RIT2: variants seen among roughly 807,000 people sequenced by gnomAD.
RIT2 encodes GTP-binding protein Rit2.
A neutral mutation model predicts 23.7 loss-of-function variants in RIT2; 24 were observed. That is an observed-to-expected ratio of 1.01 (90% confidence interval 0.73 to 1.43). RIT2 has a LOEUF of 1.43. Among genes scored for constraint, RIT2 ranks in the 40% most tolerant of loss-of-function variants. The probability of loss-of-function intolerance (pLI) is 0.00; values close to 1 mark genes in which losing one functional copy is unlikely to be tolerated. For missense variants in RIT2, 236 were observed against 266.9 expected, an observed-to-expected ratio of 0.88 and a Z score of 0.81; for synonymous variants, 107 against 91.1, an observed-to-expected ratio of 1.17 and a Z score of -0.99.
chr18:42,757,637 C>T (rs1191984645), intron 4 of RIT2, among the ~76,000 whole-genome samples: 2 of 152,198 alleles, frequency 1.3e-5, no homozygotes, highest in Non-Finnish European at 2.9e-5. Context: ...ATGTACGTGC[C>T]TGTGCTTATT....
intron 4 of RIT2, among the ~76,000 whole-genome samples, chr18:42,745,261 T>C (rs1912890419): frequency 1.3e-5 from 2 of 152,148 alleles, no homozygotes; most frequent in South Asian, 4.1e-4. Context: ...AGCTCACTCA[T>C]GTTGGATACC....
At chr18:42,937,324 A>G (rs571718849) in intron 3 of RIT2, among the ~76,000 whole-genome samples, 12 of 152,288 alleles carry the variant, frequency 7.9e-5, no homozygotes, top group South Asian at 4.1e-4. Flanking sequence ...TTTATTCTTG[A>G]ATAATTTGGC....
chr18:43,084,547 A>C (rs901551957), intron 1 of RIT2, among the ~76,000 whole-genome samples: 2 of 152,222 alleles, frequency 1.3e-5, no homozygotes, highest in Non-Finnish European at 2.9e-5. Flanking sequence ...ATGGAAAACT[A>C]TGCAGCCATA....
At chr18:43,012,250 T>G (rs1911367506) in intron 2 of RIT2, among the ~76,000 whole-genome samples, 1 of 151,896 alleles carries the variant, frequency 6.6e-6, no homozygotes, top group Non-Finnish European at 1.5e-5. Flanking sequence ...TTTACTGGAT[T>G]GCAAAGCACT....
intron 3 of RIT2, among the ~76,000 whole-genome samples, chr18:42,945,643 T>TG (rs1909710693): frequency 6.6e-6 from 1 of 152,178 alleles, no homozygotes; most frequent in African/African-American, 2.4e-5. Context: ...TGGTTACTAA[T>TG]GTCATCATTT....
intron 1 of RIT2, among the ~76,000 whole-genome samples, chr18:43,085,956 T>C (rs1465437577): frequency 6.6e-6 from 1 of 152,148 alleles, no homozygotes; most frequent in Non-Finnish European, 1.5e-5. Context: ...TTTTGCCTTC[T>C]ACCATGATTA....
At chr18:43,055,509 A>C (rs2144315089) in intron 1 of RIT2, among the ~76,000 whole-genome samples, 1 of 152,256 alleles carries the variant, frequency 6.6e-6, no homozygotes, top group East Asian at 1.9e-4. Flanking sequence ...ATATCCTTCA[A>C]GTTATCCAGA....
At chr18:42,759,485 C>T (rs534931604) in intron 4 of RIT2, among the ~76,000 whole-genome samples, 22 of 151,858 alleles carry the variant, frequency 1.4e-4, no homozygotes, top group Non-Finnish European at 2.9e-4. Context: ...GTCTCTTTGT[C>T]TAGAACACAA....
chr18:42,989,871 G>A lies in RIT2; in HGVS notation c.161-15724C>T, dbSNP rs9962114. 8.7e-3 allele frequency among the ~76,000 whole-genome samples: 1,326 copies of A among 152,058 alleles called. 36 individuals carry two copies. The highest frequency in any genetic ancestry group is 0.03 in the African/African-American group (1,260 of 41,446). On this transcript the variant is annotated intron_variant, in intron 2 of 4. Coordinates refer to ENST00000326695, the MANE Select transcript of RIT2 (RefSeq NM_002930.4). Reference sequence around the variant, plus strand: ...TGGTTTAAACTCCTACTATGTTTTAGGTAACTATTTCATAGTTTACTTTTT... The same window carrying A: ...TGGTTTAAACTCCTACTATGTTTTAAGTAACTATTTCATAGTTTACTTTTT...
chr18:42,752,762 G>A (rs1358763215), intron 4 of RIT2, among the ~76,000 whole-genome samples: 4 of 151,962 alleles, frequency 2.6e-5, no homozygotes, highest in Non-Finnish European at 2.9e-5. Flanking sequence ...AGGGGTGGGG[G>A]TGGGGAAGAA....
At chr18:43,103,807 T>C (rs1425451653) in intron 1 of RIT2, among the ~76,000 whole-genome samples, 1 of 152,160 alleles carries the variant, frequency 6.6e-6, no homozygotes, top group East Asian at 1.9e-4. Flanking sequence ...AAGTAAGATA[T>C]CTTAGTTGTT....
chr18:43,044,590 A>G (rs1387410769), intron 1 of RIT2, among the ~76,000 whole-genome samples: 1 of 152,192 alleles, frequency 6.6e-6, no homozygotes, highest in African/African-American at 2.4e-5. Context: ...ATTGTGATTT[A>G]ATTTGTTTAT....
intron 4 of RIT2, among the ~76,000 whole-genome samples, chr18:42,871,370 G>A (rs1907617719): frequency 6.6e-6 from 1 of 152,084 alleles, no homozygotes. Flanking sequence ...ATTTAAGTGT[G>A]TGTTTGTGTG....
rs77983563 is a variant in RIT2, at chr18:42,816,894, T to C, written c.427-73174A>G. Among the ~76,000 whole-genome samples the C allele has an allele frequency of 4.6e-4, 70 of 152,252 alleles. 1 individual carries two copies. In the East Asian group the frequency reaches 0.014, roughly 29 times the overall value. On this transcript the variant is annotated intron_variant, in intron 4 of 4. Coordinates refer to ENST00000326695, the MANE Select transcript of RIT2 (RefSeq NM_002930.4). Reference sequence around the variant, plus strand: ...TAGTTGAAAGTATCAGCTAGAGAAGTGCCTCACATACTTTAAGGTGCATAA... The same window carrying C: ...TAGTTGAAAGTATCAGCTAGAGAAGCGCCTCACATACTTTAAGGTGCATAA...
chr18:42,969,247 T>A (rs1910306056), intron 3 of RIT2, among the ~76,000 whole-genome samples: 1 of 152,132 alleles, frequency 6.6e-6, no homozygotes, highest in African/African-American at 2.4e-5. Flanking sequence ...CCTCTGGACC[T>A]TAAAATATCC....
chr18:42,753,550 A>C (rs1229467181), intron 4 of RIT2, among the ~76,000 whole-genome samples: 1 of 152,132 alleles, frequency 6.6e-6, no homozygotes, highest in East Asian at 1.9e-4. Context: ...GATTTATTTT[A>C]TATTTTTAAT....
At chr18:42,869,664 CTT>C (rs1306279569) in intron 4 of RIT2, among the ~76,000 whole-genome samples, 2 of 152,186 alleles carry the variant, frequency 1.3e-5, no homozygotes, top group Non-Finnish European at 2.9e-5. Flanking sequence ...CTGGTTAAAA[CTT>C]TCCATTCCTG....
At chr18:42,866,479 C>T (rs1907472155) in intron 4 of RIT2, among the ~76,000 whole-genome samples, 2 of 152,066 alleles carry the variant, frequency 1.3e-5, no homozygotes, top group Non-Finnish European at 1.5e-5. Flanking sequence ...GCTCTGATAA[C>T]TCTCTGATCT....
intron 2 of RIT2, among the ~76,000 whole-genome samples, chr18:42,976,238 G>A (rs1323860286): frequency 1.3e-5 from 2 of 151,794 alleles, no homozygotes; most frequent in African/African-American, 2.4e-5. Context: ...GGGGTTAAGA[G>A]AAAGTGAAGC....
Sources: allele counts gnomAD v4.1 joint callset (sites outside exome capture counted in the v4.1 genomes callset), GRCh38; gene constraint gnomAD v4.1.1; transcripts MANE v1.5; gene names NCBI Gene and HGNC (gene_info 2026-07-23, HGNC 2026-07-21).